TRAM2: variants seen among roughly 807,000 people sequenced by gnomAD.
TRAM2 encodes translocating chain-associated membrane protein 2.
In TRAM2, 12 loss-of-function variants were observed where a neutral mutation model predicts 51.0. That is an observed-to-expected ratio of 0.24 (90% confidence interval 0.15 to 0.38). The LOEUF (loss-of-function observed/expected upper bound fraction) is 0.38. TRAM2 is among the 10% of genes least tolerant of loss of function. The pLI is 1.00. For synonymous variants in TRAM2, 175 were observed against 179.4 expected (o/e 0.98, Z 0.20); for missense variants, 361 against 462.0 (o/e 0.78, Z 2.00).
Position 52,559,434 on chromosome 6 carries a change from C to T in TRAM2, c.120+17362G>A, listed in dbSNP as rs540384223. On this transcript the variant is annotated intron_variant, in intron 1 of 10. Transcript: ENST00000182527. ...CAGACACACGGACCTTGAATTGTGG[C>T]TCTGGCATTGATGAGCAACGAGAGT... 1.3e-3 allele frequency among the ~76,000 whole-genome samples: 205 copies of T among 152,296 alleles called. 1 individual carries two copies. Among genetic ancestry groups the T allele is most frequent in the African/African-American group, 4.5e-3 (189 of 41,556 alleles).
At chr6:52,515,935 T>C (rs1361773319) in intron 4 of TRAM2, 71 bp downstream of exon 4, 2 of 1,332,852 alleles carry the variant, frequency 1.5e-6, no homozygotes, top group African/African-American at 2.9e-5. Flanking sequence ...GTCATTTGAT[T>C]AGCAATCCCA....
chr6:52,571,431 C>A (rs1247132019), intron 1 of TRAM2, among the ~76,000 whole-genome samples: 2 of 152,160 alleles, frequency 1.3e-5, no homozygotes, highest in African/African-American at 4.8e-5. Context: ...CTGTTGTGAC[C>A]GGTCCGGACA....
chr6:52,552,267 A>G (rs1221636853), intron 1 of TRAM2, among the ~76,000 whole-genome samples: 1 of 152,252 alleles, frequency 6.6e-6, no homozygotes, highest in Non-Finnish European at 1.5e-5. Context: ...GCCCTGGGAC[A>G]GGACCAACAG....
chr6:52,568,468 T>G (rs891154927), intron 1 of TRAM2, among the ~76,000 whole-genome samples: 10 of 152,208 alleles, frequency 6.6e-5, no homozygotes, highest in Non-Finnish European at 1.3e-4. Context: ...TGCTCTAAGT[T>G]CTGAGGAATT....
chr6:52,558,235 T>A (rs1483698440), intron 1 of TRAM2, among the ~76,000 whole-genome samples: 3 of 151,914 alleles, frequency 2.0e-5, no homozygotes, highest in African/African-American at 7.3e-5. Context: ...CTACTTGCAA[T>A]CAGCAAGTAG....
intron 2 of TRAM2, among the ~76,000 whole-genome samples, chr6:52,522,240 T>C (rs1766690462): frequency 6.6e-6 from 1 of 152,250 alleles, no homozygotes; most frequent in Non-Finnish European, 1.5e-5. Context: ...GCAGCCTCGA[T>C]GTCAGGAACA....
At chr6:52,516,949 A>G in intron 2 of TRAM2, 1 of 566,486 alleles carries the variant, frequency 1.8e-6, no homozygotes. Context: ...AGGAGAACCA[A>G]GTGCATGGCT....
At chr6:52,573,170 C>A (rs889266927) in intron 1 of TRAM2, among the ~76,000 whole-genome samples, 6 of 152,138 alleles carry the variant, frequency 3.9e-5, no homozygotes, top group African/African-American at 1.4e-4. Context: ...CCTCATTCTC[C>A]ATTCGCTAAT....
chr6:52,554,358 C>G (rs1380703376), intron 1 of TRAM2, among the ~76,000 whole-genome samples: 1 of 152,002 alleles, frequency 6.6e-6, no homozygotes, highest in African/African-American at 2.4e-5. Flanking sequence ...AAACCTGTCT[C>G]TACTAAAAAT....
chr6:52,544,727 T>C (rs1767167752), intron 1 of TRAM2, among the ~76,000 whole-genome samples: 2 of 152,228 alleles, frequency 1.3e-5, no homozygotes, highest in African/African-American at 4.8e-5. Flanking sequence ...CACTCAAATG[T>C]CTCTGTTTGT....
chr6:52,552,255 C>T (rs570734438), intron 1 of TRAM2, among the ~76,000 whole-genome samples: 16 of 152,356 alleles, frequency 1.1e-4, no homozygotes, highest in Non-Finnish European at 1.9e-4. Context: ...GCAGAGAGGA[C>T]AGCCCTGGGA....
intron 2 of TRAM2, among the ~76,000 whole-genome samples, chr6:52,525,702 G>A (rs913869419): frequency 6.6e-6 from 1 of 152,182 alleles, no homozygotes; most frequent in African/African-American, 2.4e-5. Context: ...CAGCTACTCA[G>A]GAGGCTGAAG....
intron 6 of TRAM2, among the ~76,000 whole-genome samples, chr6:52,508,016 G>A (rs1426431711): frequency 2.6e-5 from 4 of 152,216 alleles, no homozygotes; most frequent in Non-Finnish European, 5.9e-5. Context: ...CAAAGCCACA[G>A]GTCTGGTGGA....
chr6:52,554,221 T>C (rs968679426), intron 1 of TRAM2, among the ~76,000 whole-genome samples: 11 of 152,092 alleles, frequency 7.2e-5, no homozygotes, highest in African/African-American at 2.7e-4. Context: ...GGCATCCCAC[T>C]TTGGTTTTGA....
At chr6:52,547,323 A>G (rs1767222251) in intron 1 of TRAM2, among the ~76,000 whole-genome samples, 1 of 152,204 alleles carries the variant, frequency 6.6e-6, no homozygotes, top group African/African-American at 2.4e-5. Flanking sequence ...CCAGTGCTGC[A>G]GAGAGGGATG....
At chr6:52,518,583 G>C (rs891551261) in intron 2 of TRAM2, among the ~76,000 whole-genome samples, 1 of 152,174 alleles carries the variant, frequency 6.6e-6, no homozygotes, top group Admixed American at 6.5e-5. Flanking sequence ...ATCAAGGCAG[G>C]AGAAGAGAGA....
At chr6:52,526,514 G>T (rs1327593072) in intron 2 of TRAM2, among the ~76,000 whole-genome samples, 1 of 152,084 alleles carries the variant, frequency 6.6e-6, no homozygotes, top group African/African-American at 2.4e-5. Context: ...GGCCTCCTGA[G>T]TAGCTGGAAT....
chr6:52,500,515 AG>A lies in TRAM2; in HGVS notation c.*2681del, dbSNP rs752489489. 1 of 126,154 alleles carries A rather than the reference AG, an allele frequency of 7.9e-6. No homozygotes were observed. The highest frequency in any genetic ancestry group is 3.0e-5 in the African/African-American group (1 of 33,164). 7.8% of individuals were successfully genotyped at this position (126,154 alleles called of 1,614,324 possible). On this transcript the variant is annotated 3_prime_UTR_variant, in exon 11 of 11. Coordinates refer to ENST00000182527, the MANE Select transcript of TRAM2 (RefSeq NM_012288.4). ...AGATGCCAGCCCCACTCATGGTCTC[AG>A]GGTTTTTTTTTGTTTTTTTTTTTTT...
At chr6:52,526,152 GACACACACAC>G (rs775593303) in intron 2 of TRAM2, among the ~76,000 whole-genome samples, 613 of 28,828 alleles carry the variant, frequency 0.021, 3 homozygotes, top group African/African-American at 0.037. Flanking sequence ...CACACAGACA[GACACACACAC>G]ACACACACAC....
Sources: allele counts gnomAD v4.1 joint callset (sites outside exome capture counted in the v4.1 genomes callset), GRCh38; gene constraint gnomAD v4.1.1; transcripts MANE v1.5; gene names NCBI Gene and HGNC (gene_info 2026-07-23, HGNC 2026-07-21).